The following KDM4B variants were observed in gnomAD, a reference collection of about 807,000 sequenced individuals.
KDM4B encodes the protein lysine-specific demethylase 4B.
A neutral mutation model predicts 125.2 loss-of-function variants in KDM4B; 32 were observed. The observed-to-expected ratio is 0.26, with a 90% confidence interval of 0.19 to 0.34. KDM4B has a LOEUF of 0.34. Ranked by LOEUF, KDM4B falls within the 10% of genes least tolerant of loss-of-function variation. The probability of loss-of-function intolerance (pLI) is 1.00; values close to 1 mark genes in which losing one functional copy is unlikely to be tolerated. For missense variants in KDM4B, 1,190 were observed against 1,577.7 expected (o/e 0.75, Z 4.16); for synonymous variants, 721 against 677.9 (o/e 1.06, Z -0.99).
At chr19:5,022,644 T>C (rs1171878915) in intron 2 of KDM4B, among the ~76,000 whole-genome samples, 1 of 152,140 alleles carries the variant, frequency 6.6e-6, no homozygotes, top group African/African-American at 2.4e-5. Context: ...TCTGTGACCA[T>C]GCGCGGCTGT....
At chr19:5,136,137 G>A (rs1406720067) in intron 15 of KDM4B, among the ~76,000 whole-genome samples, 1 of 152,214 alleles carries the variant, frequency 6.6e-6, no homozygotes, top group Non-Finnish European at 1.5e-5. Flanking sequence ...CAGTTCTGCC[G>A]AGTCTTCTCC....
chr19:5,012,803 G>A lies in KDM4B; in HGVS notation c.-108-3454G>A, dbSNP rs74655501. ...TGGCTGTTGCTGCTGCCCTGACGGC[G>A]TAGCTGCAGGGGTTCATCATCCTCT... On this transcript the variant is annotated intron_variant, in intron 1 of 22. Coordinates refer to ENST00000159111, the MANE Select transcript of KDM4B (RefSeq NM_015015.3). 4.4e-3 allele frequency among the ~76,000 whole-genome samples: 675 copies of A among 152,340 alleles called. 26 individuals are homozygous for A. In the South Asian group the frequency reaches 0.065, roughly 15 times the overall value.
At chr19:4,989,315 GTTTCTT>G (rs1364833889) in intron 1 of KDM4B, among the ~76,000 whole-genome samples, 1 of 152,084 alleles carries the variant, frequency 6.6e-6, no homozygotes, top group Non-Finnish European at 1.5e-5. Flanking sequence ...TTCTGTTTCT[GTTTCTT>G]TTTCTTTGTT....
chr19:5,142,982 C>G lies in KDM4B; in HGVS notation c.2551-985C>G, dbSNP rs1311377128. Among the ~76,000 whole-genome samples, 1 of 151,998 alleles carries G rather than the reference C, an allele frequency of 6.6e-6. No homozygotes were observed. Among genetic ancestry groups the G allele is most frequent in the African/African-American group, 2.4e-5 (1 of 41,368 alleles). ...GCCTCAAGGGATGAAAGGTGGCTCT[C>G]CGGTGCTCCCTCCTCACCAAGGAGG... On this transcript the variant is annotated intron_variant, in intron 18 of 22. Coordinates refer to ENST00000159111, the MANE Select transcript of KDM4B (RefSeq NM_015015.3). This position sits in a 1 kb window ranked among gnomAD's most constrained non-coding sequence, Gnocchi z 5.4.
chr19:5,036,801 G>A (rs969333583), intron 3 of KDM4B, among the ~76,000 whole-genome samples: 5 of 152,362 alleles, frequency 3.3e-5, no homozygotes, highest in African/African-American at 7.2e-5. Context: ...CTGGATTTGC[G>A]TCTCGGCAGA....
chr19:5,103,787 C>T (rs936682552), intron 9 of KDM4B, among the ~76,000 whole-genome samples: 2 of 152,206 alleles, frequency 1.3e-5, no homozygotes, highest in Non-Finnish European at 2.9e-5. Context: ...GGAACAGCCC[C>T]GAGCCCAGGG....
Position 5,142,241 on chromosome 19 carries a change from T to A in KDM4B, c.2551-1726T>A, listed in dbSNP as rs2039757487. Among the ~76,000 whole-genome samples the A allele has an allele frequency of 2.0e-5, 3 of 152,004 alleles. No homozygotes were observed. On this transcript the variant is annotated intron_variant, in intron 18 of 22. Transcript: ENST00000159111. This position sits in a 1 kb window ranked among gnomAD's most constrained non-coding sequence, Gnocchi z 5.4. ...CAGGCCCCCCACGGGCCGTAGACCC[T>A]GACTCCCCGGCACACACTGGCCTGG...
intron 5 of KDM4B, among the ~76,000 whole-genome samples, chr19:5,042,815 C>A (rs1010760026): frequency 1.3e-5 from 2 of 151,692 alleles, no homozygotes; most frequent in Admixed American, 1.3e-4. Context: ...CACCTCCCAC[C>A]CGGCCCCACC....
intron 2 of KDM4B, among the ~76,000 whole-genome samples, chr19:5,022,379 C>T (rs2036151101): frequency 6.6e-6 from 1 of 152,190 alleles, no homozygotes; most frequent in Non-Finnish European, 1.5e-5. Flanking sequence ...GCCCGAGGGC[C>T]ACCGTGCTGA....
chr19:5,137,187 C>T (rs1465679027), intron 15 of KDM4B, 75 bp from the exon 16 acceptor site: 8 of 1,054,522 alleles, frequency 7.6e-6, no homozygotes, highest in Non-Finnish European at 8.6e-6. Context: ...TACCCGGCCC[C>T]TCCCCCTGAG....
intron 1 of KDM4B, among the ~76,000 whole-genome samples, chr19:4,986,006 T>C (rs1403220233): frequency 1.3e-5 from 2 of 152,230 alleles, no homozygotes; most frequent in African/African-American, 4.8e-5. Flanking sequence ...CTTCTCAGCC[T>C]GAGCTTCTCT....
At chr19:4,999,461 G>C (rs978855971) in intron 1 of KDM4B, among the ~76,000 whole-genome samples, 2 of 152,248 alleles carry the variant, frequency 1.3e-5, no homozygotes, top group Admixed American at 6.5e-5. Context: ...CCCTGGTTCT[G>C]TTTGTGGAGA....
intron 9 of KDM4B, among the ~76,000 whole-genome samples, chr19:5,089,940 G>A (rs1440779509): frequency 3.9e-5 from 6 of 152,160 alleles, no homozygotes; most frequent in Non-Finnish European, 5.9e-5. Context: ...GGGAGGCCGA[G>A]GTAGGGTTGC....
chr19:5,119,052 G>T, intron 10 of KDM4B: 1 of 999,156 alleles, frequency 1.0e-6, no homozygotes, highest in South Asian at 1.4e-5. Flanking sequence ...CAGGTGGCCA[G>T]GACCAGGCGT....
Position 5,057,065 on chromosome 19 carries a change from T to TGCGCGC in KDM4B, c.626+9404_626+9409dup, listed in dbSNP as rs1555701525. On this transcript the variant is annotated intron_variant, in intron 6 of 22. Coordinates refer to ENST00000159111, the MANE Select transcript of KDM4B (RefSeq NM_015015.3). ...GTGTGTGTGTGTGTGTGTGTGTGTG[T>TGCGCGC]GCGCGCGCGCGCGTATGTTAGCAAA... Among the ~76,000 whole-genome samples the TGCGCGC allele has an allele frequency of 2.3e-4, 29 of 128,396 alleles. 1 individual carries two copies. The highest frequency in any genetic ancestry group is 4.3e-4 in the East Asian group (2 of 4,642). 84.2% of individuals were successfully genotyped at this position (128,396 alleles called of 152,430 possible). A position where few individuals can be genotyped will look rare whatever the true frequency, so the allele number is the denominator to read the frequency against.
intron 10 of KDM4B, among the ~76,000 whole-genome samples, chr19:5,117,409 G>A (rs1052928491): frequency 3.3e-5 from 5 of 152,206 alleles, no homozygotes; most frequent in East Asian, 1.9e-4. Context: ...ATGGGAGGGC[G>A]CCCTTCTGCT....
intron 1 of KDM4B, among the ~76,000 whole-genome samples, chr19:4,978,349 A>G (rs2145308475): frequency 6.6e-6 from 1 of 151,722 alleles, no homozygotes; most frequent in East Asian, 1.9e-4. Flanking sequence ...TCTACTAAAA[A>G]TGCAAAACTT....
intron 1 of KDM4B, among the ~76,000 whole-genome samples, chr19:4,969,903 A>G (rs1466338429): frequency 6.6e-6 from 1 of 151,968 alleles, no homozygotes; most frequent in East Asian, 1.9e-4. Flanking sequence ...TTAGAAAAAA[A>G]TCATCTTGCT....
intron 18 of KDM4B, among the ~76,000 whole-genome samples, chr19:5,139,609 C>T (rs1163919343): frequency 2.0e-5 from 3 of 152,214 alleles, no homozygotes; most frequent in Non-Finnish European, 2.9e-5. Flanking sequence ...TTTGTAGCAG[C>T]CGCCCTAGCA....
Sources: allele counts gnomAD v4.1 joint callset (sites outside exome capture counted in the v4.1 genomes callset), GRCh38; gene constraint gnomAD v4.1.1; non-coding constraint Gnocchi (gnomAD v3.1); transcripts MANE v1.5; gene names NCBI Gene and HGNC (gene_info 2026-07-23, HGNC 2026-07-21).